The following TDRD9 variants were observed in gnomAD, a reference collection of about 807,000 sequenced individuals.
TDRD9 encodes ATP-dependent RNA helicase TDRD9.
In TDRD9, 124 loss-of-function variants were observed where a neutral mutation model predicts 172.6. The observed-to-expected ratio is 0.72, with a 90% confidence interval of 0.62 to 0.83. The LOEUF (loss-of-function observed/expected upper bound fraction) is 0.83, where lower values mean the gene tolerates loss of function less well. TDRD9 is among the 40% of genes least tolerant of loss of function. The pLI is 0.00. For synonymous variants in TDRD9, 619 were observed against 617.1 expected (o/e 1.00, Z -0.05); for missense variants, 1,479 against 1,714.1 (o/e 0.86, Z 2.42).
At chr14:103,933,657 C>G (rs918036170) in intron 1 of TDRD9, among the ~76,000 whole-genome samples, 2 of 152,222 alleles carry the variant, frequency 1.3e-5, no homozygotes, top group Non-Finnish European at 2.9e-5. Context: ...ATCTGCCTGC[C>G]TCGGCCTCCC....
In TDRD9 at chr14:103,941,092, ACTT is replaced by A. The variant is rs1426628777; in HGVS notation, c.215+12371_215+12373del. The A allele has an allele frequency of 2.6e-6, 4 of 1,533,032 alleles. No individual in the cohort carries two copies. The African/African-American group carries it at 5.5e-5, about 21-fold the overall frequency. The allele number at this position is 1,533,032 out of a possible 1,614,324, so 95.0% of individuals were successfully genotyped here. A position where few individuals can be genotyped will look rare whatever the true frequency, so the allele number is the denominator to read the frequency against. ...TGGCAGTACATCATTTTCTGCCAAA[ACTT>A]CTCGAAATCTAGAGGGGAAATGGTA... On this transcript the variant is annotated intron_variant, in intron 1 of 35. Coordinates refer to ENST00000409874, the MANE Select transcript of TDRD9 (RefSeq NM_153046.3).
At chr14:103,944,015 T>G (rs1464253009) in intron 1 of TDRD9, among the ~76,000 whole-genome samples, 1 of 152,192 alleles carries the variant, frequency 6.6e-6, no homozygotes, top group Non-Finnish European at 1.5e-5. Context: ...CCTACCAAAT[T>G]TTATACTAAA....
At chr14:104,013,526 G>A (rs2034680961) in intron 20 of TDRD9, 1 of 152,182 alleles carries the variant, frequency 6.6e-6, no homozygotes, top group Admixed American at 6.5e-5. Flanking sequence ...TCAGGGGTGT[G>A]TGTTTATAAA....
chr14:104,005,244 A>T (rs2034397529), intron 14 of TDRD9, 30 bp from the exon 15 acceptor site: 3 of 1,611,460 alleles, frequency 1.9e-6, no homozygotes, highest in South Asian at 2.2e-5. Flanking sequence ...TTATGTTATT[A>T]TTTCTAATCT....
Position 103,943,353 on chromosome 14 carries a change from A to T in TDRD9, c.216-12311A>T, listed in dbSNP as rs146194735. Among the ~76,000 whole-genome samples the T allele has an allele frequency of 3.8e-3, 572 of 151,614 alleles. 22 individuals are homozygous for T. Among genetic ancestry groups the T allele is most frequent in the Admixed American group, 0.034 (513 of 15,214 alleles). The stretch of plus-strand genomic sequence containing the variant: ...TATACACACGCACATATGTACATAC[A>T]TATATGTTTTATATATGTACATATG... On this transcript the variant is annotated intron_variant, in intron 1 of 35. Coordinates refer to ENST00000409874, the MANE Select transcript of TDRD9 (RefSeq NM_153046.3).
At chr14:103,974,918 A>T (rs1317151982) in intron 6 of TDRD9, among the ~76,000 whole-genome samples, 2 of 152,092 alleles carry the variant, frequency 1.3e-5, no homozygotes, top group South Asian at 2.1e-4. Flanking sequence ...CTCTTTTTTT[A>T]AAATTTATTT....
chr14:103,943,301 G>A (rs2031353468), intron 1 of TDRD9, among the ~76,000 whole-genome samples: 1 of 151,198 alleles, frequency 6.6e-6, no homozygotes, highest in Non-Finnish European at 1.5e-5. Context: ...TGCATGCTAC[G>A]GCATGCCTGG....
At chr14:103,963,034 C>A in intron 2 of TDRD9, 45 bp from the exon 3 acceptor site, 1 of 1,119,730 alleles carries the variant, frequency 8.9e-7, no homozygotes, top group Non-Finnish European at 1.3e-6. Context: ...TATCTTTTTC[C>A]AGATAAGAAA....
intron 12 of TDRD9, 137 bp from the exon 13 acceptor site, chr14:103,998,487 C>T (rs1377040691): frequency 1.1e-5 from 7 of 617,464 alleles, no homozygotes; most frequent in Admixed American, 2.8e-5. Flanking sequence ...GTGGTCGGTG[C>T]GTGGCCAAAC....
In TDRD9 at chr14:103,980,278, C is replaced by T. The variant is rs185490813; in HGVS notation, c.1011+4725C>T. ...AGTAGTGGCCCCGAATGCCAGGCTG[C>T]GCTGATATTTATTGGATACAAGACA... On this transcript the variant is annotated intron_variant, in intron 7 of 35. Coordinates refer to ENST00000409874, the MANE Select transcript of TDRD9 (RefSeq NM_153046.3). This position sits in a 1 kb window ranked among gnomAD's most constrained non-coding sequence, Gnocchi z 4.5. Among the ~76,000 whole-genome samples, 7 of 152,038 alleles carry T rather than the reference C, an allele frequency of 4.6e-5. No individual in the cohort carries two copies. In the East Asian group the frequency reaches 5.8e-4, roughly 13 times the overall value.
intron 8 of TDRD9, among the ~76,000 whole-genome samples, chr14:103,989,592 G>A (rs2033796435): frequency 6.6e-6 from 1 of 152,196 alleles, no homozygotes; most frequent in Admixed American, 6.5e-5. Context: ...TTTCCATGAG[G>A]GCAAATCAGT....
At chr14:104,033,688 G>C (rs1041577020) in intron 30 of TDRD9, among the ~76,000 whole-genome samples, 2 of 152,102 alleles carry the variant, frequency 1.3e-5, no homozygotes, top group Admixed American at 1.3e-4. Flanking sequence ...GGCATCCCCA[G>C]CGTGTGCGTG....
intron 9 of TDRD9, 80 bp from the exon 10 acceptor site, chr14:103,994,252 T>C (rs930510374): frequency 1.5e-5 from 19 of 1,229,126 alleles, no homozygotes; most frequent in African/African-American, 6.0e-5. Flanking sequence ...TTGAAAGATA[T>C]GCCATTTTAA....
At chr14:104,018,299 T>TA in intron 23 of TDRD9, 107 bp downstream of exon 23, 1 of 671,636 alleles carries the variant, frequency 1.5e-6, no homozygotes, top group East Asian at 2.8e-5. Flanking sequence ...TGGGTCCTCC[T>TA]ATGGGCTGCT....
chr14:104,005,736 C>T lies in TDRD9; in HGVS notation c.1713+331C>T, dbSNP rs554465348. 3.9e-5 allele frequency among the ~76,000 whole-genome samples: 6 copies of T among 152,310 alleles called. No individual in the cohort carries two copies. The South Asian group carries it at 1.0e-3, about 26-fold the overall frequency. ...TTGGTACAAGCTGTATCCTAGTGTA[C>T]ATACTGTGCTGGGGCTGTGGACGTT... On this transcript the variant is annotated intron_variant, in intron 15 of 35. Transcript: ENST00000409874.
rs144239992 is a variant in TDRD9, at chr14:104,051,985, A to C, written c.4052A>C (p.Asp1351Ala). ...HEKPYEWNQV[D>A]PKLVMEQADR... is the part of the protein sequence containing the mutation. Reference sequence around the variant, plus strand: ...TCCGCTTGTCTACCCCATTAGGTTGATCCAAAGCTGGTCATGGAGCAGGCC... The same window carrying C: ...TCCGCTTGTCTACCCCATTAGGTTGCTCCAAAGCTGGTCATGGAGCAGGCC... Residue 1351 changes from aspartate to alanine, a missense_variant, in exon 36 of 36, where the codon GAT becomes GCT. By Grantham distance (126) the Asp-to-Ala change is moderately radical. Transcript: ENST00000409874. The C allele has an allele frequency of 1.3e-4, 207 of 1,589,850 alleles. No homozygotes were observed. The highest frequency in any genetic ancestry group is 1.7e-4 in the Non-Finnish European group (204 of 1,167,852).
chr14:103,936,626 G>A (rs983607936), intron 1 of TDRD9, among the ~76,000 whole-genome samples: 3 of 152,162 alleles, frequency 2.0e-5, no homozygotes, highest in Non-Finnish European at 2.9e-5. Context: ...CAGAATATGG[G>A]TGCTTCTCAC....
chr14:104,033,061 G>T (rs1436289615), intron 30 of TDRD9, among the ~76,000 whole-genome samples: 1 of 151,764 alleles, frequency 6.6e-6, no homozygotes, highest in African/African-American at 2.4e-5. Flanking sequence ...GGAGAATTGG[G>T]TGGGGGGAAG....
chr14:103,984,223 G>C (rs2033583318), intron 7 of TDRD9, among the ~76,000 whole-genome samples: 1 of 152,242 alleles, frequency 6.6e-6, no homozygotes, highest in East Asian at 1.9e-4. Context: ...GTTCAAGTCA[G>C]CTGCATAAAT....
Sources: allele counts gnomAD v4.1 joint callset (sites outside exome capture counted in the v4.1 genomes callset), GRCh38; gene constraint gnomAD v4.1.1; non-coding constraint Gnocchi (gnomAD v3.1); transcripts MANE v1.5; gene names NCBI Gene and HGNC (gene_info 2026-07-23, HGNC 2026-07-21).